ASCC3: variants seen among roughly 807,000 people sequenced by gnomAD.
ASCC3 encodes the protein activating signal cointegrator 1 complex subunit 3, also known as ASC-1 complex subunit P200.
In ASCC3, 158 loss-of-function variants were observed where a neutral mutation model predicts 256.3. The ratio of observed to expected loss-of-function variants is 0.62; its 90% CI spans 0.54 to 0.70. The LOEUF is 0.70. Among genes scored for constraint, ASCC3 ranks in the 30% least tolerant of loss-of-function variants. The pLI, the probability that ASCC3 is intolerant of heterozygous loss-of-function variation, is 0.00. For missense variants in ASCC3, 2,259 were observed against 2,626.0 expected (o/e 0.86, Z 3.05); for synonymous variants, 948 against 883.4 (o/e 1.07, Z -1.30).
intron 8 of ASCC3, among the ~76,000 whole-genome samples, chr6:100,792,704 A>C (rs2114309600): frequency 6.6e-6 from 1 of 152,120 alleles, no homozygotes; most frequent in South Asian, 2.1e-4. Flanking sequence ...AGAATTTAAT[A>C]GTTTCCTCCA....
chr6:100,706,996 G>A (rs913861583), intron 13 of ASCC3, among the ~76,000 whole-genome samples: 3 of 152,060 alleles, frequency 2.0e-5, no homozygotes, highest in Non-Finnish European at 4.4e-5. Context: ...AGCAACACTA[G>A]AAGCAAATTT....
In ASCC3 at chr6:100,800,561, T is replaced by A; in HGVS notation, c.923-57A>T. ...TATAAATCTGAATATGATTTAACCT[T>A]CATGAAAACCATTTCTTTCCTCCAC... On this transcript the variant is annotated intron_variant, in intron 5 of 41. Transcript: ENST00000369162. 3.0e-6 allele frequency: 4 copies of A among 1,333,782 alleles called. No individual in the cohort carries two copies. The South Asian group carries it at 5.0e-5, about 17-fold the overall frequency. The allele number at this position is 1,333,782 out of a possible 1,614,324, so 82.6% of individuals were successfully genotyped here.
intron 22 of ASCC3, among the ~76,000 whole-genome samples, chr6:100,644,330 C>T (rs961991706): frequency 1.4e-4 from 22 of 152,126 alleles, no homozygotes; most frequent in African/African-American, 5.3e-4. Flanking sequence ...AATTTTAGAA[C>T]ATTTTCACCA....
At chr6:100,736,688 G>A (rs1217740165) in intron 10 of ASCC3, among the ~76,000 whole-genome samples, 2 of 152,110 alleles carry the variant, frequency 1.3e-5, no homozygotes, top group African/African-American at 4.8e-5. Context: ...TCCAGCCCTT[G>A]GCCTAATGAG....
At chr6:100,708,179 T>C (rs1272411780) in intron 13 of ASCC3, among the ~76,000 whole-genome samples, 1 of 152,182 alleles carries the variant, frequency 6.6e-6, no homozygotes, top group Admixed American at 6.6e-5. Context: ...TCTGATGACA[T>C]TTAAGGTGTC....
chr6:100,556,898 G>A (rs1365504813), intron 36 of ASCC3, among the ~76,000 whole-genome samples: 1 of 152,060 alleles, frequency 6.6e-6, no homozygotes, highest in Non-Finnish European at 1.5e-5. Flanking sequence ...AAAGGCAGCT[G>A]GTTTAATATG....
intron 37 of ASCC3, among the ~76,000 whole-genome samples, chr6:100,537,332 G>T (rs2114656884): frequency 6.6e-6 from 1 of 152,236 alleles, no homozygotes; most frequent in South Asian, 2.1e-4. Flanking sequence ...AATCCAAACT[G>T]TGGGATAACT....
Position 100,651,661 on chromosome 6 carries a change from G to A in ASCC3, c.2989-15C>T, listed in dbSNP as rs1379314919. ...TCATTAAAGGTCTACCAAAGTAAGT[G>A]TTATATTTGATTAAAATAAAAATAT... On this transcript the variant is annotated splice_polypyrimidine_tract_variant and intron_variant, in intron 18 of 41. Coordinates refer to ENST00000369162, the MANE Select transcript of ASCC3 (RefSeq NM_006828.4). The A allele has an allele frequency of 7.4e-7, 1 of 1,346,788 alleles. No homozygotes were observed. The allele number at this position is 1,346,788 out of a possible 1,614,324, so 83.4% of individuals were successfully genotyped here.
At chr6:100,533,667 T>C (rs192131895) in intron 37 of ASCC3, among the ~76,000 whole-genome samples, 1 of 152,334 alleles carries the variant, frequency 6.6e-6, no homozygotes, top group Non-Finnish European at 1.5e-5. Context: ...GGTTTCTCTT[T>C]TTGCATAACA....
chr6:100,821,126 C>T (rs1771017583), intron 4 of ASCC3, among the ~76,000 whole-genome samples: 2 of 152,172 alleles, frequency 1.3e-5, no homozygotes, highest in African/African-American at 4.8e-5. Context: ...AATTCCTGGG[C>T]TCCTGCCTCA....
intron 30 of ASCC3, among the ~76,000 whole-genome samples, chr6:100,621,986 G>C (rs1299956196): frequency 1.3e-5 from 2 of 152,148 alleles, no homozygotes; most frequent in African/African-American, 2.4e-5. Context: ...ACTAATGCAG[G>C]AACAGAAAAC....
At chr6:100,583,748 C>T (rs547175640) in intron 36 of ASCC3, among the ~76,000 whole-genome samples, 3 of 152,134 alleles carry the variant, frequency 2.0e-5, no homozygotes, top group Non-Finnish European at 4.4e-5. Context: ...TCCCTCTACA[C>T]ACTGCTTTGA....
intron 10 of ASCC3, among the ~76,000 whole-genome samples, chr6:100,760,688 A>T (rs972131330): frequency 5.9e-5 from 9 of 152,260 alleles, no homozygotes; most frequent in Non-Finnish European, 1.3e-4. Context: ...AACCTAAGTT[A>T]AAAACTAATT....
intron 37 of ASCC3, among the ~76,000 whole-genome samples, chr6:100,531,570 T>TG (rs56165510): frequency 2.4e-5 from 1 of 41,272 alleles, no homozygotes; most frequent in Non-Finnish European, 5.5e-5. Context: ...TTGGGGGGAA[T>TG]TTTTTTTTTT....
At chr6:100,564,902 G>T (rs1354508097) in intron 36 of ASCC3, among the ~76,000 whole-genome samples, 1 of 152,038 alleles carries the variant, frequency 6.6e-6, no homozygotes, top group East Asian at 1.9e-4. Flanking sequence ...AGAATAAATG[G>T]ACATTTAGTC....
chr6:100,637,513 C>T (rs1157498563), intron 25 of ASCC3, among the ~76,000 whole-genome samples: 1 of 152,102 alleles, frequency 6.6e-6, no homozygotes, highest in African/African-American at 2.4e-5. Flanking sequence ...GTAATTTTGG[C>T]TTTCCTATCC....
chr6:100,877,414 TGAATAA>T, intron 1 of ASCC3, among the ~76,000 whole-genome samples: 1 of 152,298 alleles, frequency 6.6e-6, no homozygotes, highest in East Asian at 1.9e-4. Flanking sequence ...TATTAAACAG[TGAATAA>T]GAATATTTAT....
chr6:100,625,390 T>C, intron 29 of ASCC3, 56 bp from the exon 30 acceptor site: 1 of 1,577,398 alleles, frequency 6.3e-7, no homozygotes, highest in Non-Finnish European at 8.7e-7. Flanking sequence ...AGAATATGAA[T>C]TTCATTAGGA....
chr6:100,784,721 T>C (rs1782610594), intron 8 of ASCC3, among the ~76,000 whole-genome samples: 1 of 152,106 alleles, frequency 6.6e-6, no homozygotes, highest in Non-Finnish European at 1.5e-5. Context: ...TTTCACTTTC[T>C]ATTTTATATT....
Sources: gnomAD v4.1 joint callset for allele counts (sites outside exome capture counted in the v4.1 genomes callset) on GRCh38, gnomAD v4.1.1 for gene constraint, MANE v1.5 for transcripts, NCBI Gene and HGNC (gene_info 2026-07-23, HGNC 2026-07-21) for gene names.